ZNF532: variants seen among roughly 807,000 people sequenced by gnomAD.
ZNF532 encodes the protein zinc finger protein 532.
Under a neutral mutation model 89.3 loss-of-function variants are expected in ZNF532, and 22 were observed. The observed-to-expected ratio is 0.25, with a 90% CI of 0.18 to 0.35. The LOEUF is 0.35. Among genes scored for constraint, ZNF532 ranks in the 10% least tolerant of loss-of-function variants. ZNF532 has a pLI of 1.00. For missense variants in ZNF532, 1,132 were observed against 1,643.4 expected (o/e 0.69, Z 5.38); for synonymous variants, 606 against 649.6 (o/e 0.93, Z 1.02).
rs1568470157 is a variant in ZNF532, at chr18:58,979,167, CG to C, written c.3263+1del. 1 of 1,607,770 alleles carries C rather than the reference CG, an allele frequency of 6.2e-7. No homozygotes were observed. Among genetic ancestry groups the C allele is most frequent in the Admixed American group, 1.7e-5 (1 of 59,918 alleles). On this transcript the variant is annotated splice_donor_variant, in intron 8 of 9. Transcript: ENST00000591808. LOFTEE classifies it high-confidence loss of function. Reference sequence around the variant, plus strand: ...GGCATCAGGAAAGTGTACGCCTGCTCGTAAGTCCTGGTTTCTAACGGAACGC... The same window carrying C: ...GGCATCAGGAAAGTGTACGCCTGCTCTAAGTCCTGGTTTCTAACGGAACGC...
At chr18:58,964,286 C>G (rs1404296552) in intron 7 of ZNF532, 2 of 152,136 alleles carry the variant, frequency 1.3e-5, no homozygotes, top group Non-Finnish European at 2.9e-5. Flanking sequence ...TTTCTCCTAT[C>G]TTTTTTGGCT....
intron 2 of ZNF532, among the ~76,000 whole-genome samples, chr18:58,891,994 G>A (rs1473869519): frequency 1.3e-5 from 2 of 152,184 alleles, no homozygotes; most frequent in East Asian, 3.8e-4. Context: ...AAGCAAGGCT[G>A]GTTTACTGTG....
intron 2 of ZNF532, among the ~76,000 whole-genome samples, chr18:58,911,340 G>A (rs1245747936): frequency 1.3e-5 from 2 of 152,238 alleles, no homozygotes; most frequent in Non-Finnish European, 2.9e-5. Context: ...AGCTGTGGGA[G>A]ACCTCTTGAC....
At chr18:58,982,428 C>A (rs2067907169) in intron 9 of ZNF532, among the ~76,000 whole-genome samples, 2 of 152,076 alleles carry the variant, frequency 1.3e-5, no homozygotes, top group South Asian at 4.1e-4. Flanking sequence ...CGAGACCAGC[C>A]TGGCCAACGT....
rs548182349 is a variant in ZNF532 at position 58,925,573 on chromosome 18, C to G, written c.2346+4940C>G. Among the ~76,000 whole-genome samples the G allele has an allele frequency of 2.0e-5, 3 of 152,320 alleles. No individual in the cohort carries two copies. The East Asian group carries it at 5.8e-4, about 29-fold the overall frequency. ...TGTTTTCGCCCAGTCTATAGCTTGT[C>G]TTTTCATCCTCTTCTTTAGCAGAGC... On this transcript the variant is annotated intron_variant, in intron 3 of 9. Coordinates refer to ENST00000591808, the MANE Select transcript of ZNF532 (RefSeq NM_001375912.1).
chr18:58,942,677 A>C (rs1367450008), intron 5 of ZNF532, among the ~76,000 whole-genome samples: 1 of 151,980 alleles, frequency 6.6e-6, no homozygotes, highest in African/African-American at 2.4e-5. Context: ...AATTAAAACT[A>C]AGGTAAAAGC....
chr18:58,872,265 C>T lies in ZNF532; in HGVS notation c.-18+6686C>T, dbSNP rs749483460. Among the ~76,000 whole-genome samples, 7 of 152,292 alleles carry T rather than the reference C, an allele frequency of 4.6e-5. No individual in the cohort carries two copies. The South Asian group carries it at 1.0e-3, about 23-fold the overall frequency. ...TTACATAATTAGAGCTTTTAGACAT[C>T]TTGAGTGATCCGTAGAGACCTAAAG... On this transcript the variant is annotated intron_variant, in intron 2 of 9. Transcript: ENST00000591808.
intron 2 of ZNF532, among the ~76,000 whole-genome samples, chr18:58,894,047 C>A (rs943476198): frequency 4.6e-5 from 7 of 152,194 alleles, no homozygotes; most frequent in African/African-American, 7.2e-5. Flanking sequence ...GGCATCATTT[C>A]CGTGTTGGAG....
At chr18:58,881,940 G>A (rs151287794) in intron 2 of ZNF532, among the ~76,000 whole-genome samples, 2 of 152,258 alleles carry the variant, frequency 1.3e-5, no homozygotes, top group Admixed American at 6.5e-5. Context: ...AATACTTCCA[G>A]AACCATCAAA....
intron 2 of ZNF532, among the ~76,000 whole-genome samples, chr18:58,873,178 G>A (rs1052924402): frequency 6.6e-6 from 1 of 151,914 alleles, no homozygotes; most frequent in Non-Finnish European, 1.5e-5. Flanking sequence ...ATGCCACCAC[G>A]CCCGGCTAAT....
chr18:58,895,782 C>T (rs1568264963), intron 2 of ZNF532, among the ~76,000 whole-genome samples: 1 of 152,124 alleles, frequency 6.6e-6, no homozygotes. Flanking sequence ...AGCCCATTTC[C>T]CTAAAGGTGT....
chr18:58,904,453 A>T (rs926199225), intron 2 of ZNF532, among the ~76,000 whole-genome samples: 1 of 152,204 alleles, frequency 6.6e-6, no homozygotes, highest in East Asian at 1.9e-4. Context: ...GCTATATTTT[A>T]AAGGGAAACG....
intron 3 of ZNF532, among the ~76,000 whole-genome samples, chr18:58,929,810 C>T (rs2061802660): frequency 6.6e-6 from 1 of 152,190 alleles, no homozygotes; most frequent in African/African-American, 2.4e-5. Flanking sequence ...GGTATGACTT[C>T]CATTTAAGTG....
chr18:58,906,075 G>A (rs1441406615), intron 2 of ZNF532, among the ~76,000 whole-genome samples: 1 of 152,152 alleles, frequency 6.6e-6, no homozygotes, highest in Non-Finnish European at 1.5e-5. Flanking sequence ...CACAGTTGAT[G>A]CTGACCTTGA....
At position 58,888,744 on chromosome 18, in the gene ZNF532, T is replaced by TATATATATATAAA. The variant is rs1491320157; in HGVS notation, c.-18+23168_-18+23180dup. On this transcript the variant is annotated intron_variant, in intron 2 of 9. Transcript: ENST00000591808. Reference sequence around the variant, plus strand: ...ATATATAAATTATATATATATATTTTATATATATATAAAATTAATATATAT... The same window carrying TATATATATATAAA: ...ATATATAAATTATATATATATATTTTATATATATATAAAATATATATATAAAATTAATATATAT... Among the ~76,000 whole-genome samples, 10 of 40,826 alleles carry TATATATATATAAA rather than the reference T, an allele frequency of 2.4e-4. 2 individuals are homozygous for TATATATATATAAA. In the East Asian group the frequency reaches 0.016, roughly 65 times the overall value. 26.8% of individuals were successfully genotyped at this position (40,826 alleles called of 152,430 possible).
At chr18:58,897,952 C>T (rs2059356087) in intron 2 of ZNF532, among the ~76,000 whole-genome samples, 1 of 152,036 alleles carries the variant, frequency 6.6e-6, no homozygotes, top group South Asian at 2.1e-4. Flanking sequence ...GGGACTCTGT[C>T]TCAAAAATAA....
chr18:58,922,833 CCTT>C (rs1050106857), intron 3 of ZNF532, among the ~76,000 whole-genome samples: 7 of 152,124 alleles, frequency 4.6e-5, no homozygotes, highest in African/African-American at 1.7e-4. Context: ...TCTGAGACCT[CCTT>C]CTCTGAGAGC....
At chr18:58,938,736 G>A (rs1244047985) in intron 4 of ZNF532, among the ~76,000 whole-genome samples, 61 of 152,178 alleles carry the variant, frequency 4.0e-4, no homozygotes, top group Admixed American at 3.9e-3. Context: ...TTCTTGGCAT[G>A]CAGGTTTAGA....
At chr18:58,905,336 A>G (rs909617404) in intron 2 of ZNF532, among the ~76,000 whole-genome samples, 6 of 151,642 alleles carry the variant, frequency 4.0e-5, no homozygotes, top group Non-Finnish European at 7.4e-5. Flanking sequence ...GGATTATAGT[A>G]TACAACGTCT....
Sources: allele counts gnomAD v4.1 joint callset (sites outside exome capture counted in the v4.1 genomes callset), GRCh38; gene constraint gnomAD v4.1.1; transcripts MANE v1.5; gene names NCBI Gene and HGNC (gene_info 2026-07-23, HGNC 2026-07-21).